The following BSG variants were observed in gnomAD, a reference collection of about 807,000 sequenced individuals.
BSG encodes basigin (Ok blood group).
In BSG, 37 loss-of-function variants were observed where a neutral mutation model predicts 43.1. The ratio of observed to expected loss-of-function variants is 0.86; its 90% CI spans 0.66 to 1.13. The LOEUF (loss-of-function observed/expected upper bound fraction) is 1.13, where lower values mean the gene tolerates loss of function less well. BSG is among the 50% of genes most tolerant of loss of function. The pLI is 0.00. For synonymous variants in BSG, 309 were observed against 238.7 expected (o/e 1.29, Z -2.72); for missense variants, 599 against 554.2 (o/e 1.08, Z -0.81).
At chr19:572,298 G>A (rs927658778), upstream of BSG, 2 of 771,824 alleles carry the variant, frequency 2.6e-6, no homozygotes, top group African/African-American at 3.8e-5. Flanking sequence ...CCCCTCGGGC[G>A]CACCGCTCTG....
intron 3 of BSG, chr19:579,936 C>T (rs1404090456): frequency 4.1e-6 from 2 of 487,592 alleles, no homozygotes; most frequent in Admixed American, 3.8e-5. Context: ...AGGTCCCGGG[C>T]ACGTGTGCGG....
chr19:580,666 G>A lies in BSG; in HGVS notation c.676G>A (p.Val226Met), dbSNP rs767817495. 28 of 1,612,716 alleles carry A rather than the reference G, an allele frequency of 1.7e-5. No homozygotes were observed. Among genetic ancestry groups the A allele is most frequent in the Admixed American group, 5.0e-5 (3 of 60,000 alleles). Residue 226 changes from valine to methionine, a missense_variant, in exon 5 of 9, where the codon GTG (valine) becomes ATG (methionine). Coordinates refer to ENST00000333511, the MANE Select transcript of BSG (RefSeq NM_001728.4). The part of the protein sequence containing the change: ...QLHGPPRVKA[V>M]KSSEHINEGE... ...GTCAGGGCCTCCCAGAGTGAAGGCT[G>A]TGAAGTCGTCAGAACACATCAACGA...
intron 2 of BSG, chr19:579,029 C>T (rs1250398417): frequency 2.2e-6 from 1 of 456,484 alleles, no homozygotes; most frequent in Non-Finnish European, 4.4e-6. Context: ...CGCGCCCGGC[C>T]ACCACCGCGC....
At chr19:581,771 G>A (rs898328952) in intron 6 of BSG, among the ~76,000 whole-genome samples, 180 bp downstream of exon 6, 4 of 152,246 alleles carry the variant, frequency 2.6e-5, no homozygotes, top group Admixed American at 2.0e-4. Context: ...GGGCAGCTGC[G>A]GCTCAGTGGG....
At chr19:572,753 A>G in intron 1 of BSG, 52 bp downstream of exon 1, 2 of 1,389,024 alleles carry the variant, frequency 1.4e-6, no homozygotes, top group Non-Finnish European at 9.4e-7. Context: ...CCGGGAATGG[A>G]GGCCGCGGTG....
At chr19:579,092 C>T in intron 2 of BSG, 1 of 461,398 alleles carries the variant, frequency 2.2e-6, no homozygotes, top group Non-Finnish European at 4.3e-6. Context: ...GGGGCTGCTA[C>T]AAGAGCTCGA....
intron 7 of BSG, 82 bp downstream of exon 7, chr19:582,412 G>A: frequency 1.3e-6 from 2 of 1,599,472 alleles, no homozygotes; most frequent in Non-Finnish European, 1.7e-6. Flanking sequence ...CAGAGCCCCT[G>A]GGCTTCAGTA....
At chr19:573,278 C>T (rs1164069857) in intron 1 of BSG, among the ~76,000 whole-genome samples, 1 of 152,152 alleles carries the variant, frequency 6.6e-6, no homozygotes, top group Non-Finnish European at 1.5e-5. Flanking sequence ...GGCGTGGAAT[C>T]TGGAGACGGG....
chr19:579,914 C>T (rs1489937730), intron 3 of BSG: 11 of 525,364 alleles, frequency 2.1e-5, no homozygotes, highest in South Asian at 5.1e-5. Flanking sequence ...CACGAAAGGG[C>T]GCCACACTGC....
intron 1 of BSG, among the ~76,000 whole-genome samples, chr19:573,974 G>C (rs1981525598): frequency 6.6e-6 from 1 of 152,228 alleles, no homozygotes. Context: ...TTATAGTGAG[G>C]CCGGGCGTGG....
At position 580,369 on chromosome 19, in the gene BSG, G is replaced by A. The variant is rs199983087; in HGVS notation, c.573-10G>A. Reference sequence around the variant, plus strand: ...CTGGTACGCGGCTCACCTGCCTGCTGTGGTTGCAGGGTGGACTCCGACGAC... The same window carrying A: ...CTGGTACGCGGCTCACCTGCCTGCTATGGTTGCAGGGTGGACTCCGACGAC... On this transcript the variant is annotated splice_polypyrimidine_tract_variant and intron_variant, in intron 3 of 8. Transcript: ENST00000333511. The A allele has an allele frequency of 6.2e-7, 1 of 1,609,730 alleles. No individual in the cohort carries two copies. The highest frequency in any genetic ancestry group is 8.5e-7 in the Non-Finnish European group (1 of 1,179,504).
chr19:581,823 A>G (rs1170832058), intron 6 of BSG, among the ~76,000 whole-genome samples: 1 of 152,226 alleles, frequency 6.6e-6, no homozygotes, highest in African/African-American at 2.4e-5. Context: ...TCCGCCCCAC[A>G]GCCTCACCCG....
intron 2 of BSG, chr19:579,038 G>C (rs755834132): frequency 2.2e-6 from 1 of 456,662 alleles, no homozygotes; most frequent in Non-Finnish European, 4.4e-6. Context: ...CCACCACCGC[G>C]CCCAGCTGGC....
At chr19:582,458 ACTT>A in intron 7 of BSG, 53 bp from the exon 8 acceptor site, 1 of 1,602,380 alleles carries the variant, frequency 6.2e-7, no homozygotes, top group Non-Finnish European at 8.5e-7. Context: ...GGCAGGGGTG[ACTT>A]GGAGAGAGTG....
intron 1 of BSG, among the ~76,000 whole-genome samples, chr19:574,358 C>G (rs1001272726): frequency 5.9e-5 from 9 of 151,972 alleles, no homozygotes; most frequent in Non-Finnish European, 1.5e-5. Context: ...TCAAGACCAT[C>G]GTGGCTAACA....
At chr19:579,713 C>T (rs12609013) in intron 3 of BSG, 57 bp downstream of exon 3, 173,105 of 1,552,932 alleles carry the variant, frequency 0.11, 11,853 homozygotes, top group South Asian at 0.27. Flanking sequence ...TCTCTTGCCG[C>T]CAGCGGCCTG....
intron 1 of BSG, among the ~76,000 whole-genome samples, chr19:576,587 C>T (rs947961141): frequency 6.6e-6 from 1 of 152,134 alleles, no homozygotes; most frequent in African/African-American, 2.4e-5. Flanking sequence ...TGGTGAAACC[C>T]CGTCTCTACT....
chr19:578,841 C>T (rs1248172228), intron 2 of BSG: 5 of 356,790 alleles, frequency 1.4e-5, no homozygotes, highest in South Asian at 2.1e-5. Flanking sequence ...AGCGATTCTT[C>T]TGCCTCAGCC....
chr19:583,398 CT>C lies in BSG; in HGVS notation c.*655del. 6.6e-6 allele frequency: 1 copy of C among 152,452 alleles called. No individual in the cohort carries two copies. The highest frequency in any genetic ancestry group is 2.4e-5 in the African/African-American group (1 of 41,582). 9.4% of individuals were successfully genotyped at this position (152,452 alleles called of 1,614,324 possible). ...CCGCAGAAGCCTCCCCAGCTCACCCCTGGAGGACGGCCGGCTCTCTATAGCA... is the reference window on the plus strand; with the variant it reads ...CCGCAGAAGCCTCCCCAGCTCACCCCGGAGGACGGCCGGCTCTCTATAGCA... On this transcript the variant is annotated 3_prime_UTR_variant, in exon 9 of 9. Coordinates refer to ENST00000333511, the MANE Select transcript of BSG (RefSeq NM_001728.4).
Sources: gnomAD v4.1 joint callset for allele counts (sites outside exome capture counted in the v4.1 genomes callset) on GRCh38, gnomAD v4.1.1 for gene constraint, MANE v1.5 for transcripts, NCBI Gene and HGNC (gene_info 2026-07-23, HGNC 2026-07-21) for gene names.